PTPRD: variants seen among roughly 807,000 people sequenced by gnomAD.
PTPRD encodes the protein protein tyrosine phosphatase receptor type D, also known as receptor-type tyrosine-protein phosphatase delta.
PTPRD carries 34 observed loss-of-function variants against 214.5 expected under a neutral mutation model. The observed-to-expected ratio is 0.16, with a 90% confidence interval of 0.12 to 0.21. The LOEUF (loss-of-function observed/expected upper bound fraction) is 0.21. Among genes scored for constraint, PTPRD ranks in the 10% least tolerant of loss-of-function variants. The pLI is 1.00. For synonymous variants in PTPRD, 1,128 were observed against 845.7 expected, an observed-to-expected ratio of 1.33 and a Z score of -5.79; for missense variants, 2,545 against 2,398.7, an observed-to-expected ratio of 1.06 and a Z score of -1.27.
At position 9,493,578 on chromosome 9, in the gene PTPRD, G is replaced by T. The variant is rs1477335597; in HGVS notation, c.-237+81154C>A. On this transcript the variant is annotated intron_variant, in intron 8 of 45. Coordinates refer to ENST00000381196, the MANE Select transcript of PTPRD (RefSeq NM_002839.4). ...CCGAGGCAGGCAGATCACAAGGTCA[G>T]GAGATCGAGACCATTCTGGCTAACA... Among the ~76,000 whole-genome samples the T allele has an allele frequency of 3.3e-5, 5 of 152,108 alleles. No homozygotes were observed. The East Asian group carries it at 9.7e-4, about 30-fold the overall frequency.
At chr9:8,585,244 A>G (rs1250002319) in intron 14 of PTPRD, among the ~76,000 whole-genome samples, 2 of 152,180 alleles carry the variant, frequency 1.3e-5, no homozygotes, top group African/African-American at 4.8e-5. Flanking sequence ...AGGGAGAAAA[A>G]GGGGAAGAGT....
At chr9:8,579,437 C>G (rs906746666) in intron 14 of PTPRD, among the ~76,000 whole-genome samples, 1 of 151,892 alleles carries the variant, frequency 6.6e-6, no homozygotes, top group South Asian at 2.1e-4. Context: ...CAAAATATGC[C>G]CAAGAAAAAC....
intron 11 of PTPRD, among the ~76,000 whole-genome samples, chr9:8,833,466 T>C (rs1331661155): frequency 6.6e-6 from 1 of 152,112 alleles, no homozygotes; most frequent in Non-Finnish European, 1.5e-5. Context: ...ATGTTACATA[T>C]ATATTCTAAT....
chr9:8,745,605 T>G (rs1300469106), intron 11 of PTPRD, among the ~76,000 whole-genome samples: 1 of 152,178 alleles, frequency 6.6e-6, no homozygotes, highest in Non-Finnish European at 1.5e-5. Flanking sequence ...TGTTATTATG[T>G]ACCTGTGTAT....
At chr9:8,938,447 T>C (rs2099011630) in intron 11 of PTPRD, among the ~76,000 whole-genome samples, 1 of 152,182 alleles carries the variant, frequency 6.6e-6, no homozygotes, top group South Asian at 2.1e-4. Context: ...GGCCAAAATA[T>C]ACCCCATTAA....
intron 12 of PTPRD, among the ~76,000 whole-genome samples, chr9:8,642,218 G>C (rs1156445967): frequency 1.4e-4 from 21 of 152,172 alleles, no homozygotes. Context: ...GACAAAATGA[G>C]GGTGCCATTT....
intron 11 of PTPRD, among the ~76,000 whole-genome samples, chr9:8,902,078 T>A (rs1444426954): frequency 6.6e-6 from 1 of 152,182 alleles, no homozygotes; most frequent in Non-Finnish European, 1.5e-5. Context: ...TAATCTCTAT[T>A]CAGTTATTTA....
At chr9:9,266,975 A>T (rs974976855) in intron 9 of PTPRD, among the ~76,000 whole-genome samples, 1 of 151,322 alleles carries the variant, frequency 6.6e-6, no homozygotes, top group South Asian at 2.1e-4. Context: ...AATAGAGACT[A>T]CAAAAAATTA....
intron 2 of PTPRD, among the ~76,000 whole-genome samples, chr9:10,606,382 A>G (rs1308248071): frequency 6.6e-6 from 1 of 151,844 alleles, no homozygotes; most frequent in African/African-American, 2.4e-5. Context: ...CTTTGATTAT[A>G]AAGATTTGAG....
At chr9:10,287,565 G>C (rs373860197) in intron 3 of PTPRD, among the ~76,000 whole-genome samples, 16 of 152,196 alleles carry the variant, frequency 1.1e-4, no homozygotes, top group African/African-American at 3.6e-4. Flanking sequence ...TCCCCTGGGA[G>C]AGTAGCAAGG....
At chr9:10,396,064 G>T (rs1049638504) in intron 2 of PTPRD, among the ~76,000 whole-genome samples, 1 of 151,774 alleles carries the variant, frequency 6.6e-6, no homozygotes, top group Admixed American at 6.6e-5. Flanking sequence ...CCAGTTTTCA[G>T]TTCCAATCCT....
intron 3 of PTPRD, among the ~76,000 whole-genome samples, chr9:10,088,300 T>C (rs1446557318): frequency 1.3e-5 from 2 of 151,644 alleles, no homozygotes; most frequent in Non-Finnish European, 3.0e-5. Flanking sequence ...CATAGGAAAA[T>C]GTAATTGGAA....
At chr9:8,779,714 C>G (rs1049236048) in intron 11 of PTPRD, among the ~76,000 whole-genome samples, 2 of 151,972 alleles carry the variant, frequency 1.3e-5, no homozygotes, top group Non-Finnish European at 2.9e-5. Context: ...CTCAGGCTGG[C>G]GTTCCACAAA....
intron 4 of PTPRD, among the ~76,000 whole-genome samples, chr9:10,013,953 A>G (rs1280790781): frequency 6.6e-6 from 1 of 151,956 alleles, no homozygotes; most frequent in Non-Finnish European, 1.5e-5. Flanking sequence ...TGAATGAAAC[A>G]AAGGACAAAT....
chr9:9,775,744 C>A (rs1035245195), intron 5 of PTPRD, among the ~76,000 whole-genome samples: 1 of 152,042 alleles, frequency 6.6e-6, no homozygotes, highest in Admixed American at 6.6e-5. Flanking sequence ...GAGACTGAGA[C>A]CATCCTGGCT....
intron 2 of PTPRD, among the ~76,000 whole-genome samples, chr9:10,581,582 A>G (rs113228312): frequency 0.022 from 3,404 of 152,286 alleles, 51 homozygotes; most frequent in South Asian, 0.061. Flanking sequence ...GCTATTCCCA[A>G]TGATAGTTAC....
intron 37 of PTPRD, among the ~76,000 whole-genome samples, chr9:8,385,591 G>A (rs2086706528): frequency 6.6e-6 from 1 of 152,154 alleles, no homozygotes; most frequent in Admixed American, 6.5e-5. Context: ...TCTAAGGCAG[G>A]ACAATTTCGT....
chr9:9,493,815 A>G (rs1253812153), intron 8 of PTPRD, among the ~76,000 whole-genome samples: 3 of 151,530 alleles, frequency 2.0e-5, no homozygotes, highest in Non-Finnish European at 4.4e-5. Flanking sequence ...AAAAAAGAAA[A>G]GAAAAGAAAA....
chr9:10,139,333 A>G (rs1420178681), intron 3 of PTPRD, among the ~76,000 whole-genome samples: 1 of 152,102 alleles, frequency 6.6e-6, no homozygotes, highest in Non-Finnish European at 1.5e-5. Flanking sequence ...AGATAAAAAA[A>G]ACTCTACAAG....
Sources: allele counts gnomAD v4.1 joint callset (sites outside exome capture counted in the v4.1 genomes callset), GRCh38; gene constraint gnomAD v4.1.1; transcripts MANE v1.5; gene names NCBI Gene and HGNC (gene_info 2026-07-23, HGNC 2026-07-21).